Variants in PRORP observed in about 807,000 individuals in gnomAD.
The protein encoded by PRORP is mitochondrial ribonuclease P catalytic subunit.
In PRORP, 51 loss-of-function variants were observed where a neutral mutation model predicts 59.4. That is an observed-to-expected ratio of 0.86 (90% CI 0.69 to 1.08). PRORP has a LOEUF of 1.08. Among genes scored for constraint, PRORP ranks in the 50% least tolerant of loss-of-function variants. The probability of loss-of-function intolerance (pLI) is 0.00; values close to 1 mark genes in which losing one functional copy is unlikely to be tolerated. For synonymous variants in PRORP, 231 were observed against 245.6 expected (o/e 0.94, Z 0.55); for missense variants, 646 against 690.3 (o/e 0.94, Z 0.72).
intron 4 of PRORP, among the ~76,000 whole-genome samples, chr14:35,132,680 G>A (rs527903449): frequency 1.3e-5 from 2 of 151,404 alleles, no homozygotes; most frequent in East Asian, 2.0e-4. Flanking sequence ...CTACCTACTC[G>A]GGAGGCTGAA....
chr14:35,197,782 C>T (rs1399247135), intron 5 of PRORP, among the ~76,000 whole-genome samples: 1 of 151,782 alleles, frequency 6.6e-6, no homozygotes, highest in Non-Finnish European at 1.5e-5. Flanking sequence ...ATATGTGATA[C>T]AGAAAATAAA....
intron 5 of PRORP, among the ~76,000 whole-genome samples, chr14:35,236,685 G>A (rs945321849): frequency 3.3e-5 from 5 of 151,970 alleles, no homozygotes; most frequent in African/African-American, 1.2e-4. Flanking sequence ...ACCATTCCTT[G>A]TTCTCTCTTG....
At chr14:35,237,057 CCTTCCTTCCT>C (rs2050237980) in intron 5 of PRORP, among the ~76,000 whole-genome samples, 3 of 145,804 alleles carry the variant, frequency 2.1e-5, no homozygotes, top group Non-Finnish European at 4.6e-5. Context: ...CCTTTCCTTC[CCTTCCTTCCT>C]TTCCTTCCTT....
intron 5 of PRORP, among the ~76,000 whole-genome samples, chr14:35,257,859 A>T (rs1029407784): frequency 6.6e-6 from 1 of 152,104 alleles, no homozygotes; most frequent in Non-Finnish European, 1.5e-5. Flanking sequence ...GGAAGTTAAC[A>T]TTTGCTGTTT....
intron 4 of PRORP, among the ~76,000 whole-genome samples, chr14:35,139,514 T>C (rs2047439152): frequency 6.9e-6 from 1 of 145,696 alleles, no homozygotes; most frequent in African/African-American, 2.4e-5. Context: ...GTCTGATTTG[T>C]TTTATTCAGC....
In PRORP at chr14:35,126,222, G is replaced by A. The variant is rs1051236450; in HGVS notation, c.987-513G>A. Among the ~76,000 whole-genome samples the A allele has an allele frequency of 7.9e-5, 12 of 152,210 alleles. No homozygotes were observed. In the South Asian group the frequency reaches 1.0e-3, roughly 13 times the overall value. Reference sequence around the variant, plus strand: ...TAAGAACTGATGGTAATATGTGGAAGGGGAAGGAGGAAAGGATACATTGAT... The same window carrying A: ...TAAGAACTGATGGTAATATGTGGAAAGGGAAGGAGGAAAGGATACATTGAT... On this transcript the variant is annotated intron_variant, in intron 2 of 7. Coordinates refer to ENST00000534898, the MANE Select transcript of PRORP (RefSeq NM_014672.4).
At chr14:35,210,599 G>A (rs2049413147) in intron 5 of PRORP, among the ~76,000 whole-genome samples, 1 of 151,278 alleles carries the variant, frequency 6.6e-6, no homozygotes, top group Admixed American at 6.6e-5. Flanking sequence ...ATAAGTATCA[G>A]TTATCTTGAA....
intron 4 of PRORP, among the ~76,000 whole-genome samples, chr14:35,171,181 G>A (rs968638627): frequency 6.6e-6 from 1 of 151,170 alleles, no homozygotes. Flanking sequence ...GTATCTTGCT[G>A]TGTTGCCCAG....
At chr14:35,230,359 G>A (rs927496446) in intron 5 of PRORP, among the ~76,000 whole-genome samples, 9 of 152,144 alleles carry the variant, frequency 5.9e-5, no homozygotes, top group African/African-American at 2.2e-4. Context: ...ACCCATTACT[G>A]TAAATTCTGA....
chr14:35,182,032 G>A (rs2048624048), intron 5 of PRORP, among the ~76,000 whole-genome samples: 1 of 152,022 alleles, frequency 6.6e-6, no homozygotes, highest in Non-Finnish European at 1.5e-5. Flanking sequence ...GGGAGGCTGA[G>A]GCGGGCAGAT....
At chr14:35,269,533 G>A (rs1177048905) in intron 6 of PRORP, among the ~76,000 whole-genome samples, 2 of 152,140 alleles carry the variant, frequency 1.3e-5, no homozygotes, top group African/African-American at 4.8e-5. Context: ...ATACACTAGA[G>A]AGAATAATAT....
chr14:35,167,140 A>G (rs2048204553), intron 4 of PRORP, among the ~76,000 whole-genome samples: 1 of 152,212 alleles, frequency 6.6e-6, no homozygotes, highest in Non-Finnish European at 1.5e-5. Context: ...TTTAGATGAT[A>G]AAGTGTTCAA....
At chr14:35,236,096 C>CAAAAAAAAA (rs59458917) in intron 5 of PRORP, among the ~76,000 whole-genome samples, 1 of 62,450 alleles carries the variant, frequency 1.6e-5, no homozygotes, top group African/African-American at 5.7e-5. Flanking sequence ...ACCCCATCTC[C>CAAAAAAAAA]AAAAAAAAAA....
intron 4 of PRORP, chr14:35,144,312 A>G (rs1203964902): frequency 6.8e-6 from 1 of 146,268 alleles, no homozygotes; most frequent in African/African-American, 2.4e-5. Flanking sequence ...TGTTTGGGCT[A>G]CCTTCAAAGC....
At chr14:35,135,867 A>C (rs183260320) in intron 4 of PRORP, among the ~76,000 whole-genome samples, 2 of 152,118 alleles carry the variant, frequency 1.3e-5, no homozygotes, top group Admixed American at 6.6e-5. Context: ...CTGAGGCAGA[A>C]GAATCGCTGG....
intron 5 of PRORP, among the ~76,000 whole-genome samples, chr14:35,197,901 A>G (rs1338057683): frequency 6.6e-6 from 1 of 152,258 alleles, no homozygotes; most frequent in Non-Finnish European, 1.5e-5. Flanking sequence ...CATATGGTGA[A>G]GTGCTCTATT....
rs575219406 is a variant in PRORP at position 35,273,468 on chromosome 14, A to C, written c.1654A>C (p.Thr552Pro). 2 of 1,613,304 alleles carry C rather than the reference A, an allele frequency of 1.2e-6. No homozygotes were observed. The highest frequency in any genetic ancestry group is 1.1e-5 in the South Asian group (1 of 90,878). The change falls in exon 8 of 8, where the codon ACT becomes CCT. Residue 552 changes from threonine to proline, a missense_variant. By Grantham distance (38) the Thr-to-Pro change is conservative (BLOSUM62 -1). Transcript: ENST00000534898. ...ILSYDTVVQT[T>P]GDSWHIPYDE... ...CAGCTATGACACAGTGGTGCAAACA[A>C]CTGGAGACTCGTGGCACATACCATA...
At chr14:35,135,780 A>G (rs1473622015) in intron 4 of PRORP, among the ~76,000 whole-genome samples, 1 of 151,962 alleles carries the variant, frequency 6.6e-6, no homozygotes, top group Non-Finnish European at 1.5e-5. Flanking sequence ...CAATATGGGA[A>G]AACCCCGTCT....
intron 5 of PRORP, among the ~76,000 whole-genome samples, chr14:35,214,021 G>T (rs1042992754): frequency 2.6e-5 from 4 of 152,150 alleles, no homozygotes; most frequent in African/African-American, 9.7e-5. Context: ...CATATTCCCT[G>T]TGCATCTGCT....
Sources: gnomAD v4.1 joint callset for allele counts (sites outside exome capture counted in the v4.1 genomes callset) on GRCh38, gnomAD v4.1.1 for gene constraint, MANE v1.5 for transcripts, NCBI Gene and HGNC (gene_info 2026-07-23, HGNC 2026-07-21) for gene names.